Variants in RORA observed in about 807,000 individuals in gnomAD.
RORA encodes the protein nuclear receptor ROR-alpha.
In RORA, 7 loss-of-function variants were observed where a neutral mutation model predicts 69.5. The ratio of observed to expected loss-of-function variants is 0.10; its 90% CI spans 0.06 to 0.19. The LOEUF is 0.19. Ranked by LOEUF, RORA falls within the 10% of genes least tolerant of loss-of-function variation. The probability of loss-of-function intolerance (pLI) is 1.00; values close to 1 mark genes in which losing one functional copy is unlikely to be tolerated. For synonymous variants in RORA, 261 were observed against 240.8 expected (o/e 1.08, Z -0.78); for missense variants, 457 against 663.0 (o/e 0.69, Z 3.41).
intron 1 of RORA, among the ~76,000 whole-genome samples, chr15:60,971,882 TC>T (rs1050529567): frequency 4.6e-5 from 7 of 152,274 alleles, no homozygotes; most frequent in Middle Eastern, 3.4e-3. Flanking sequence ...ACACTGGCCC[TC>T]CCACCATTGG....
intron 1 of RORA, among the ~76,000 whole-genome samples, chr15:61,011,197 T>C (rs1283124188): frequency 6.6e-6 from 1 of 152,172 alleles, no homozygotes; most frequent in Non-Finnish European, 1.5e-5. Flanking sequence ...CATTTTGTAT[T>C]TCTTTCCTTT....
intron 1 of RORA, among the ~76,000 whole-genome samples, chr15:60,734,724 G>T (rs1182193085): frequency 2.0e-5 from 3 of 152,208 alleles, no homozygotes; most frequent in Non-Finnish European, 4.4e-5. Context: ...ACATGCTGCA[G>T]AAAGATACAG....
In RORA at chr15:60,843,677, G is replaced by C. The variant is rs148581918; in HGVS notation, c.167-164991C>G. Among the ~76,000 whole-genome samples the C allele has an allele frequency of 3.1e-4, 47 of 152,338 alleles. No homozygotes were observed. The East Asian group carries it at 6.9e-3, about 22-fold the overall frequency. On this transcript the variant is annotated intron_variant, in intron 1 of 10. Transcript: ENST00000335670. ...GACCGTGGCAAGCCAGGTTCTCGGAGGGTTAAATGACTGATGAAAAGAAAG... is the reference window on the plus strand; with the variant it reads ...GACCGTGGCAAGCCAGGTTCTCGGACGGTTAAATGACTGATGAAAAGAAAG...
chr15:61,148,469 C>T (rs1404852776), intron 1 of RORA, among the ~76,000 whole-genome samples: 1 of 152,162 alleles, frequency 6.6e-6, no homozygotes, highest in Non-Finnish European at 1.5e-5. Flanking sequence ...TATGGCATCA[C>T]CCCGCTCACC....
chr15:61,167,613 C>T (rs750108781), intron 1 of RORA, among the ~76,000 whole-genome samples: 2 of 150,502 alleles, frequency 1.3e-5, no homozygotes, highest in Non-Finnish European at 2.9e-5. Flanking sequence ...CAGTGTGCCA[C>T]AATTCAGGAC....
chr15:60,670,886 A>T lies in RORA; in HGVS notation c.196+7771T>A, dbSNP rs143261387. On this transcript the variant is annotated intron_variant, in intron 2 of 10. Transcript: ENST00000335670. ...CACTGAAAGTGAATGTAGAGTGATC[A>T]CTCTCTTCTTGTTTTAAACACATTG... Among the ~76,000 whole-genome samples the T allele has an allele frequency of 5.5e-3, 835 of 151,752 alleles. 9 individuals carry two copies. Among genetic ancestry groups the T allele is most frequent in the Non-Finnish European group, 6.5e-3 (444 of 67,928 alleles).
chr15:61,008,223 G>A (rs1160161464), intron 1 of RORA, among the ~76,000 whole-genome samples: 2 of 151,714 alleles, frequency 1.3e-5, no homozygotes, highest in Non-Finnish European at 2.9e-5. Flanking sequence ...GTGTGTGTGT[G>A]TGTGTGTGTG....
At chr15:60,813,071 A>G (rs986252367) in intron 1 of RORA, among the ~76,000 whole-genome samples, 2 of 152,022 alleles carry the variant, frequency 1.3e-5, no homozygotes, top group African/African-American at 2.4e-5. Flanking sequence ...GTCTTTCTCT[A>G]TCTTGTTTCT....
chr15:61,133,629 TGTTGGCTCGAATG>T (rs1231866544), intron 1 of RORA, among the ~76,000 whole-genome samples: 2 of 152,202 alleles, frequency 1.3e-5, no homozygotes, highest in Non-Finnish European at 2.9e-5. Context: ...ACAAAAGTTT[TGTTGGCTCGAATG>T]GAGGTACTCT....
intron 1 of RORA, among the ~76,000 whole-genome samples, chr15:61,153,005 G>A (rs1279106539): frequency 6.6e-6 from 1 of 152,120 alleles, no homozygotes; most frequent in Admixed American, 6.5e-5. Flanking sequence ...AGTCACAATT[G>A]AACTGGCCTT....
chr15:60,576,424 T>C (rs2068028126), intron 2 of RORA, among the ~76,000 whole-genome samples: 1 of 152,208 alleles, frequency 6.6e-6, no homozygotes, highest in Non-Finnish European at 1.5e-5. Context: ...ATGCCCCCTA[T>C]TTGATAATAA....
At chr15:60,576,214 C>T (rs138527657) in intron 2 of RORA, among the ~76,000 whole-genome samples, 1 of 152,362 alleles carries the variant, frequency 6.6e-6, no homozygotes, top group Non-Finnish European at 1.5e-5. Context: ...CAGCCTATCC[C>T]TTTAACTGGC....
intron 1 of RORA, among the ~76,000 whole-genome samples, chr15:60,733,842 G>C (rs2071460329): frequency 6.6e-6 from 1 of 151,308 alleles, no homozygotes; most frequent in Admixed American, 6.6e-5. Context: ...TGTTCCCAGT[G>C]GATGGGAAGT....
intron 1 of RORA, among the ~76,000 whole-genome samples, chr15:61,186,657 AAAAAAAAAAAG>A (rs1164220348): frequency 9.9e-5 from 15 of 151,370 alleles, no homozygotes; most frequent in Admixed American, 3.9e-4. Context: ...AAAAAAAAAA[AAAAAAAAAAAG>A]GGAAAAAGAA....
intron 1 of RORA, among the ~76,000 whole-genome samples, chr15:61,014,466 T>C (rs944913846): frequency 2.0e-5 from 3 of 152,226 alleles, no homozygotes; most frequent in Non-Finnish European, 4.4e-5. Context: ...CATTTGTCCC[T>C]ATTGAACTTC....
chr15:60,954,830 C>A (rs867059905), intron 1 of RORA, among the ~76,000 whole-genome samples: 91 of 152,318 alleles, frequency 6.0e-4, no homozygotes, highest in African/African-American at 2.0e-3. Flanking sequence ...GCTCTCATTA[C>A]ATTCTGGGCA....
intron 2 of RORA, among the ~76,000 whole-genome samples, chr15:60,585,997 A>C (rs2068323671): frequency 6.6e-6 from 1 of 152,214 alleles, no homozygotes; most frequent in African/African-American, 2.4e-5. Context: ...CTTATCTCAT[A>C]TCTGACATGC....
intron 5 of RORA, among the ~76,000 whole-genome samples, chr15:60,506,156 C>T (rs2065493927): frequency 1.3e-5 from 2 of 152,198 alleles, no homozygotes; most frequent in African/African-American, 4.8e-5. Flanking sequence ...TGTGAAGCCA[C>T]ATACTCTGGA....
At chr15:60,984,037 T>C (rs2140362781) in intron 1 of RORA, among the ~76,000 whole-genome samples, 2 of 152,320 alleles carry the variant, frequency 1.3e-5, no homozygotes, top group African/African-American at 4.8e-5. Context: ...AACTCCTAAA[T>C]ACTCCTGGAT....
Sources: allele counts gnomAD v4.1 joint callset (sites outside exome capture counted in the v4.1 genomes callset), GRCh38; gene constraint gnomAD v4.1.1; transcripts MANE v1.5; gene names NCBI Gene and HGNC (gene_info 2026-07-23, HGNC 2026-07-21).